The following CACNA1A variants were observed in gnomAD, a reference collection of about 807,000 sequenced individuals.
CACNA1A encodes voltage-dependent P/Q-type calcium channel subunit alpha-1A.
CACNA1A carries 57 observed loss-of-function variants against 262.4 expected under a neutral mutation model. The ratio of observed to expected loss-of-function variants is 0.22; its 90% CI spans 0.18 to 0.27. CACNA1A has a LOEUF of 0.27. Ranked by LOEUF, CACNA1A falls within the 10% of genes least tolerant of loss-of-function variation. The pLI is 1.00. For missense variants in CACNA1A, 2,526 were observed against 3,562.8 expected (o/e 0.71, Z 7.41); for synonymous variants, 1,431 against 1,419.3 (o/e 1.01, Z -0.18).
chr19:13,326,170 G>T (rs557390667), intron 10 of CACNA1A, among the ~76,000 whole-genome samples: 162 of 151,832 alleles, frequency 1.1e-3, no homozygotes, highest in Middle Eastern at 6.8e-3. Context: ...ACAAAAATTG[G>T]CAGGGCGTGG....
At chr19:13,361,753 C>A (rs2059114619) in intron 5 of CACNA1A, among the ~76,000 whole-genome samples, 1 of 152,180 alleles carries the variant, frequency 6.6e-6, no homozygotes, top group African/African-American at 2.4e-5. Context: ...GGACTTGGTA[C>A]ATGAACTATT....
chr19:13,252,923 TC>T lies in CACNA1A; in HGVS notation c.4866+67del, dbSNP rs1445768425. The T allele has an allele frequency of 9.4e-5, 102 of 1,079,812 alleles. 1 individual carries two copies. In the East Asian group the frequency reaches 1.9e-3, roughly 20 times the overall value. The allele number at this position is 1,079,812 out of a possible 1,614,324, so 66.9% of individuals were successfully genotyped here. ...TTGGGGCCACGTTGGGAGACCATCA[TC>T]CAGGACCCATTGTTCCCCCTTGGGC... On this transcript the variant is annotated intron_variant, in intron 30 of 46. Transcript: ENST00000360228.
rs1281314481 is a variant in CACNA1A at position 13,456,091 on chromosome 19, A to C, written c.294-879T>G. ...CTTGAACCTGGGAGGTGGAGGTTGC[A>C]GTGAGCCGAGATCATGCCACTGCAC... On this transcript the variant is annotated intron_variant, in intron 1 of 46. Transcript: ENST00000360228. Among the ~76,000 whole-genome samples, 2 of 151,780 alleles carry C rather than the reference A, an allele frequency of 1.3e-5. 1 individual carries two copies. Among genetic ancestry groups the C allele is most frequent in the Admixed American group, 1.3e-4 (2 of 15,236 alleles).
chr19:13,429,531 CAAAA>C (rs35308275), intron 3 of CACNA1A, among the ~76,000 whole-genome samples: 2 of 57,208 alleles, frequency 3.5e-5, no homozygotes, highest in African/African-American at 5.5e-5. Flanking sequence ...TCAAAGCGTC[CAAAA>C]AAAAAAAAAA....
At position 13,214,203 on chromosome 19, in the gene CACNA1A, C is replaced by G; in HGVS notation, c.5940+30G>C. ...GACATGCAAGCCACTGTCCCCAGCC[C>G]AGATGTCCCCAGAGCGGCGAACAGC... On this transcript the variant is annotated intron_variant, in intron 40 of 46. Coordinates refer to ENST00000360228, the MANE Select transcript of CACNA1A (RefSeq NM_001127222.2). The surrounding 1 kb of genome is among the most constrained non-coding windows in gnomAD (Gnocchi z 4.1). 1.3e-6 allele frequency: 2 copies of G among 1,567,016 alleles called. No homozygotes were observed. The highest frequency in any genetic ancestry group is 1.7e-6 in the Non-Finnish European group (2 of 1,152,586).
chr19:13,410,365 C>G (rs2060087485), intron 3 of CACNA1A, among the ~76,000 whole-genome samples: 1 of 151,308 alleles, frequency 6.6e-6, no homozygotes, highest in Admixed American at 6.6e-5. Flanking sequence ...TAGCTAGGAC[C>G]ACAGGCATGC....
At chr19:13,469,706 G>A (rs529567005) in intron 1 of CACNA1A, among the ~76,000 whole-genome samples, 9 of 148,514 alleles carry the variant, frequency 6.1e-5, no homozygotes, top group Non-Finnish European at 1.0e-4. Context: ...TGATCCGCCC[G>A]CCTCGGCTCC....
intron 6 of CACNA1A, among the ~76,000 whole-genome samples, chr19:13,349,631 C>G (rs1031382784): frequency 5.3e-5 from 8 of 152,206 alleles, no homozygotes; most frequent in Non-Finnish European, 2.9e-5. Context: ...CTCAGAGAAG[C>G]AGCCCTCAAT....
intron 1 of CACNA1A, among the ~76,000 whole-genome samples, chr19:13,467,674 G>A (rs1046110392): frequency 6.6e-6 from 1 of 150,482 alleles, no homozygotes; most frequent in South Asian, 2.1e-4. Flanking sequence ...GGGTGATCTC[G>A]GCTCACTGCA....
At chr19:13,270,087 G>A (rs1188883819) in intron 24 of CACNA1A, among the ~76,000 whole-genome samples, 2 of 152,112 alleles carry the variant, frequency 1.3e-5, no homozygotes, top group African/African-American at 4.8e-5. Flanking sequence ...TGCTCACTGT[G>A]AGCCTCCGTA....
At chr19:13,262,487 A>G (rs139012744) in intron 25 of CACNA1A, 28 of 444,056 alleles carry the variant, frequency 6.3e-5, no homozygotes, top group African/African-American at 5.3e-4. Context: ...GAATTAGGAA[A>G]AAGGATCTTA....
intron 10 of CACNA1A, among the ~76,000 whole-genome samples, chr19:13,323,857 T>C (rs1264379177): frequency 2.0e-5 from 3 of 152,218 alleles, no homozygotes; most frequent in Non-Finnish European, 2.9e-5. Flanking sequence ...ACCAATGCCA[T>C]GGAGCTTTCT....
At chr19:13,319,317 ATTCT>A (rs1041954331) in intron 10 of CACNA1A, among the ~76,000 whole-genome samples, 16 of 152,074 alleles carry the variant, frequency 1.1e-4, no homozygotes, top group African/African-American at 2.7e-4. Flanking sequence ...TTATTCATTC[ATTCT>A]TTCATCATTC....
At chr19:13,447,647 A>T (rs1203784647) in intron 3 of CACNA1A, among the ~76,000 whole-genome samples, 1 of 152,234 alleles carries the variant, frequency 6.6e-6, no homozygotes, top group African/African-American at 2.4e-5. Context: ...AAACCTCAAA[A>T]GTAGGGAAGC....
At position 13,462,812 on chromosome 19, in the gene CACNA1A, T is replaced by C. The variant is rs184167240; in HGVS notation, c.294-7600A>G. ...TCTTGCTCTGTTGCCCAGGGTGAAA[T>C]ACAGTGGCACGATCACAGCTCACTG... is the stretch of plus-strand genomic sequence containing the variant. On this transcript the variant is annotated intron_variant, in intron 1 of 46. Transcript: ENST00000360228. 2.3e-3 allele frequency among the ~76,000 whole-genome samples: 351 copies of C among 152,210 alleles called. 1 individual carries two copies. In the Middle Eastern group the frequency reaches 0.034, roughly 15 times the overall value.
At chr19:13,495,703 T>C (rs57515061) in intron 1 of CACNA1A, among the ~76,000 whole-genome samples, 6,186 of 152,086 alleles carry the variant, frequency 0.041, 137 homozygotes, top group African/African-American at 0.067. Flanking sequence ...GACCCACACA[T>C]AGACAGCTAC....
chr19:13,214,722 A>G lies in CACNA1A; in HGVS notation c.5732-114T>C, dbSNP rs897053541. On this transcript the variant is annotated intron_variant, in intron 38 of 46. Coordinates refer to ENST00000360228, the MANE Select transcript of CACNA1A (RefSeq NM_001127222.2). This position sits in a 1 kb window ranked among gnomAD's most constrained non-coding sequence, Gnocchi z 4.1. ...CGAGACCCCAATCTTTCTGGTCCCC[A>G]TGGGGTCTCCAGTTCCCCAACGGCC... is the stretch of plus-strand genomic sequence containing the variant. The G allele has an allele frequency of 7.6e-6, 6 of 793,972 alleles. No individual in the cohort carries two copies. The highest frequency in any genetic ancestry group is 2.7e-4 in the Middle Eastern group (1 of 3,736). 49.2% of individuals were successfully genotyped at this position (793,972 alleles called of 1,614,324 possible).
At chr19:13,244,323 A>G (rs1422153271) in intron 31 of CACNA1A, 1 of 152,228 alleles carries the variant, frequency 6.6e-6, no homozygotes, top group African/African-American at 2.4e-5. Flanking sequence ...CAAGACCTCT[A>G]CCCTGAGCCA....
chr19:13,489,613 G>A (rs1238231290), intron 1 of CACNA1A, among the ~76,000 whole-genome samples: 1 of 152,204 alleles, frequency 6.6e-6, no homozygotes, highest in Non-Finnish European at 1.5e-5. Flanking sequence ...GGCCAAGGGT[G>A]AGACAAACAC....
Sources: gnomAD v4.1 joint callset for allele counts (sites outside exome capture counted in the v4.1 genomes callset) on GRCh38, gnomAD v4.1.1 for gene constraint, Gnocchi (gnomAD v3.1) non-coding constraint, MANE v1.5 for transcripts, NCBI Gene and HGNC (gene_info 2026-07-23, HGNC 2026-07-21) for gene names.